RAD51B: variants seen among roughly 807,000 people sequenced by gnomAD.
The protein encoded by RAD51B is DNA repair protein RAD51 homolog 2.
In RAD51B, 38 loss-of-function variants were observed where a neutral mutation model predicts 42.2. That is an observed-to-expected ratio of 0.90 (90% CI 0.70 to 1.18). RAD51B has a LOEUF of 1.18. Among genes scored for constraint, RAD51B ranks in the 50% most tolerant of loss-of-function variants. RAD51B has a pLI of 0.00. For missense variants in RAD51B, 373 were observed against 400.7 expected (o/e 0.93, Z 0.59); for synonymous variants, 154 against 145.2 (o/e 1.06, Z -0.43).
intron 7 of RAD51B, among the ~76,000 whole-genome samples, chr14:67,894,132 G>A (rs1357955327): frequency 1.3e-5 from 2 of 152,204 alleles, no homozygotes; most frequent in Non-Finnish European, 2.9e-5. Flanking sequence ...ATAGGGCTGT[G>A]AGTATTAAAT....
At chr14:68,001,264 A>G (rs535434360) in intron 7 of RAD51B, among the ~76,000 whole-genome samples, 4 of 152,132 alleles carry the variant, frequency 2.6e-5, no homozygotes, top group African/African-American at 9.7e-5. Context: ...TTTTTCTTCT[A>G]TTCCAAACCT....
intron 7 of RAD51B, among the ~76,000 whole-genome samples, chr14:68,277,395 C>T (rs1228901361): frequency 6.6e-6 from 1 of 152,174 alleles, no homozygotes; most frequent in Non-Finnish European, 1.5e-5. Flanking sequence ...GGAGGTTATT[C>T]TTTCACCGTC....
At chr14:68,464,941 G>A (rs1173156411) in intron 9 of RAD51B, among the ~76,000 whole-genome samples, 1 of 152,168 alleles carries the variant, frequency 6.6e-6, no homozygotes, top group Non-Finnish European at 1.5e-5. Flanking sequence ...GGTCCCTCCA[G>A]GTGTGAGATC....
Position 67,943,584 on chromosome 14 carries a change from G to A in RAD51B, c.756+56380G>A, listed in dbSNP as rs368034655. ...TTTATTTAATTAAGTTATTTTTAACGGTTGGCTCTGGAGTTGACATTCATT... is the reference window on the plus strand; with the variant it reads ...TTTATTTAATTAAGTTATTTTTAACAGTTGGCTCTGGAGTTGACATTCATT... On this transcript the variant is annotated intron_variant, in intron 7 of 10. Coordinates refer to ENST00000471583, the MANE Select transcript of RAD51B (RefSeq NM_133510.4). Among the ~76,000 whole-genome samples the A allele has an allele frequency of 2.0e-5, 3 of 151,946 alleles. 1 individual carries two copies. The highest frequency in any genetic ancestry group is 1.9e-4 in the East Asian group (1 of 5,196).
intron 7 of RAD51B, among the ~76,000 whole-genome samples, chr14:68,264,473 G>A (rs1243909711): frequency 2.6e-5 from 4 of 152,198 alleles, no homozygotes; most frequent in African/African-American, 9.7e-5. Context: ...CATGGGGTTT[G>A]TGACAAGATT....
chr14:67,930,687 G>A (rs2044695908), intron 7 of RAD51B, among the ~76,000 whole-genome samples: 1 of 152,038 alleles, frequency 6.6e-6, no homozygotes, highest in Non-Finnish European at 1.5e-5. Flanking sequence ...TTTCGCATTG[G>A]ATCACTGGTC....
chr14:68,533,100 A>G (rs2428616), intron 10 of RAD51B, among the ~76,000 whole-genome samples: 140,393 of 152,230 alleles, frequency 0.92, 65,582 homozygotes, highest in Non-Finnish European at 0.99. Flanking sequence ...GAATTGAAAA[A>G]AAAACAGACA....
At chr14:68,139,726 T>A (rs1481937585) in intron 7 of RAD51B, among the ~76,000 whole-genome samples, 1 of 152,234 alleles carries the variant, frequency 6.6e-6, no homozygotes, top group Non-Finnish European at 1.5e-5. Flanking sequence ...GAGTTAATAT[T>A]GGTAAAACAC....
At chr14:68,556,491 C>T (rs1424797138) in intron 10 of RAD51B, among the ~76,000 whole-genome samples, 4 of 152,110 alleles carry the variant, frequency 2.6e-5, no homozygotes, top group Non-Finnish European at 5.9e-5. Flanking sequence ...AGTGAGGGGA[C>T]CCCTGGGGGA....
At chr14:68,113,245 CAA>C (rs959424628) in intron 7 of RAD51B, among the ~76,000 whole-genome samples, 8 of 152,036 alleles carry the variant, frequency 5.3e-5, no homozygotes, top group African/African-American at 9.7e-5. Context: ...TGCATAATAA[CAA>C]AGAGTGTCTA....
chr14:67,864,749 G>A, intron 4 of RAD51B: 1 of 600,270 alleles, frequency 1.7e-6, no homozygotes, highest in Non-Finnish European at 3.0e-6. Context: ...ACAAAATACA[G>A]TGGATGATTT....
At chr14:68,136,350 C>A (rs370144844) in intron 7 of RAD51B, among the ~76,000 whole-genome samples, 89,501 of 130,962 alleles carry the variant, frequency 0.68, 33,837 homozygotes, top group East Asian at 0.89. Context: ...CCAAGGCGGG[C>A]GGGTGGATCA....
chr14:67,881,194 T>C (rs1344865743), intron 5 of RAD51B, among the ~76,000 whole-genome samples: 4 of 152,230 alleles, frequency 2.6e-5, no homozygotes, highest in Non-Finnish European at 5.9e-5. Flanking sequence ...TGATGCATCA[T>C]TGACTGAAAT....
chr14:68,351,738 T>TC (rs2139874357), intron 8 of RAD51B, among the ~76,000 whole-genome samples: 1 of 152,236 alleles, frequency 6.6e-6, no homozygotes, highest in East Asian at 1.9e-4. Flanking sequence ...TAGACCACAG[T>TC]CAGGGAGCAG....
intron 8 of RAD51B, among the ~76,000 whole-genome samples, chr14:68,401,724 G>A (rs1440958479): frequency 6.6e-6 from 1 of 152,038 alleles, no homozygotes; most frequent in Non-Finnish European, 1.5e-5. Context: ...GTGGGTAAAT[G>A]GTATTAGTTG....
exon 11 of RAD51B, chr14:68,611,041 G>A: frequency 1.4e-6 from 1 of 703,172 alleles, no homozygotes; most frequent in Non-Finnish European, 2.6e-6. Flanking sequence ...CCCCAGGTCA[G>A]AATGCTGGTC....
intron 7 of RAD51B, among the ~76,000 whole-genome samples, chr14:67,917,894 T>C (rs1228841102): frequency 6.6e-6 from 1 of 152,100 alleles, no homozygotes; most frequent in Non-Finnish European, 1.5e-5. Context: ...AATGGGTTGG[T>C]TGTGATGATT....
chr14:68,123,661 A>G (rs1053582883), intron 7 of RAD51B, among the ~76,000 whole-genome samples: 4 of 152,100 alleles, frequency 2.6e-5, no homozygotes, highest in Admixed American at 1.3e-4. Flanking sequence ...TACAAAAATT[A>G]GCTCGGCATG....
intron 8 of RAD51B, among the ~76,000 whole-genome samples, chr14:68,331,367 C>CAAAAAAAAAAAA (rs778136542): frequency 0.068 from 2,230 of 32,758 alleles, 423 homozygotes; most frequent in African/African-American, 0.16. Context: ...GACTCTGTCT[C>CAAAAAAAAAAAA]AAAAAAAAAA....
Sources: allele counts gnomAD v4.1 joint callset (sites outside exome capture counted in the v4.1 genomes callset), GRCh38; gene constraint gnomAD v4.1.1; transcripts MANE v1.5; gene names NCBI Gene and HGNC (gene_info 2026-07-23, HGNC 2026-07-21).